The following ADAMTSL1 variants were observed in gnomAD, a reference collection of about 807,000 sequenced individuals.
ADAMTSL1 encodes ADAMTS like 1.
Under a neutral mutation model 201.8 loss-of-function variants are expected in ADAMTSL1, and 126 were observed. That is an observed-to-expected ratio of 0.62 (90% CI 0.54 to 0.72). The LOEUF (loss-of-function observed/expected upper bound fraction) is 0.72, where lower values mean the gene tolerates loss of function less well. Among genes scored for constraint, ADAMTSL1 ranks in the 30% least tolerant of loss-of-function variants. The pLI is 0.00. For missense variants in ADAMTSL1, 2,679 were observed against 2,277.8 expected (o/e 1.18, Z -3.59); for synonymous variants, 1,121 against 903.4 (o/e 1.24, Z -4.32).
intron 24 of ADAMTSL1, 58 bp from the exon 25 acceptor site, chr9:18,889,510 T>C: frequency 6.3e-7 from 1 of 1,577,938 alleles, no homozygotes; most frequent in Non-Finnish European, 8.6e-7. Flanking sequence ...CAGAAGGAAT[T>C]CAGAGTGTGG....
At chr9:18,717,575 G>A (rs574314) in intron 14 of ADAMTSL1, among the ~76,000 whole-genome samples, 1 of 152,210 alleles carries the variant, frequency 6.6e-6, no homozygotes, top group Non-Finnish European at 1.5e-5. Context: ...TTTGGACTTT[G>A]TTTTATTATG....
intron 2 of ADAMTSL1, among the ~76,000 whole-genome samples, chr9:18,406,848 G>A (rs1818228126): frequency 2.0e-5 from 3 of 152,278 alleles, no homozygotes; most frequent in African/African-American, 7.2e-5. Flanking sequence ...TAACAAATGT[G>A]TGCTTGTGGG....
intron 2 of ADAMTSL1, among the ~76,000 whole-genome samples, chr9:18,466,130 C>T (rs1207635550): frequency 1.3e-5 from 2 of 152,144 alleles, no homozygotes; most frequent in Non-Finnish European, 2.9e-5. Flanking sequence ...TCCCCTTTAT[C>T]CTTGGGACCC....
chr9:18,844,702 T>G (rs1825975109), intron 23 of ADAMTSL1, among the ~76,000 whole-genome samples: 1 of 152,238 alleles, frequency 6.6e-6, no homozygotes, highest in Non-Finnish European at 1.5e-5. Context: ...CAGTTCGAGC[T>G]TCCTGGCTGC....
At position 18,171,945 on chromosome 9, in the gene ADAMTSL1, C is replaced by A. The variant is rs142995061; in HGVS notation, c.207+7964C>A. On this transcript the variant is annotated intron_variant, in intron 2 of 29. Coordinates refer to the ADAMTSL1 transcript ENST00000680146. ...CATTTATTAAATAGGGAATCCTTTC[C>A]CCATTTCTTGTTTTTTCACGTTTGC... is the stretch of plus-strand genomic sequence containing the variant. 4.3e-3 allele frequency among the ~76,000 whole-genome samples: 650 copies of A among 152,106 alleles called. 5 individuals are homozygous for A. Among genetic ancestry groups the A allele is most frequent in the African/African-American group, 0.015 (619 of 41,490 alleles).
chr9:18,186,981 A>G (rs1368676291), intron 2 of ADAMTSL1, among the ~76,000 whole-genome samples: 1 of 152,112 alleles, frequency 6.6e-6, no homozygotes, highest in Non-Finnish European at 1.5e-5. Context: ...TCAACTCTAA[A>G]TCCCATGTCT....
At chr9:18,744,518 A>G (rs949628518) in intron 15 of ADAMTSL1, among the ~76,000 whole-genome samples, 1 of 152,228 alleles carries the variant, frequency 6.6e-6, no homozygotes, top group Non-Finnish European at 1.5e-5. Flanking sequence ...TCTGCATTCA[A>G]CAAACATTTA....
chr9:18,442,829 A>G (rs929272389), intron 2 of ADAMTSL1, among the ~76,000 whole-genome samples: 1 of 152,214 alleles, frequency 6.6e-6, no homozygotes, highest in African/African-American at 2.4e-5. Flanking sequence ...CCTGCAAGTC[A>G]TTTGGTCGGT....
intron 2 of ADAMTSL1, among the ~76,000 whole-genome samples, chr9:18,308,454 A>C (rs993391742): frequency 2.0e-5 from 3 of 152,180 alleles, no homozygotes; most frequent in Non-Finnish European, 4.4e-5. Flanking sequence ...CAGACTACTA[A>C]AGGAGAAAAG....
intron 26 of ADAMTSL1, among the ~76,000 whole-genome samples, chr9:18,897,640 C>G (rs1020871254): frequency 1.4e-4 from 21 of 152,276 alleles, no homozygotes; most frequent in African/African-American, 5.1e-4. Flanking sequence ...GAAGAGTGGC[C>G]TATTAAATAG....
At chr9:18,795,182 T>G (rs1255041968) in intron 19 of ADAMTSL1, among the ~76,000 whole-genome samples, 1 of 141,534 alleles carries the variant, frequency 7.1e-6, no homozygotes, top group East Asian at 2.0e-4. Context: ...GCAAAGGCAA[T>G]GGGAAACCTC....
intron 1 of ADAMTSL1, among the ~76,000 whole-genome samples, chr9:18,504,160 T>A (rs1822997304): frequency 6.6e-6 from 1 of 152,192 alleles, no homozygotes. Context: ...CTCTTAACTA[T>A]AGCACACATT....
intron 2 of ADAMTSL1, among the ~76,000 whole-genome samples, chr9:18,415,449 C>T (rs566566519): frequency 2.1e-4 from 32 of 151,792 alleles, no homozygotes; most frequent in South Asian, 6.2e-4. Context: ...TTAGCTGTTG[C>T]GGAAGAAAAT....
At chr9:18,013,994 A>G (rs1292377126) in intron 1 of ADAMTSL1, among the ~76,000 whole-genome samples, 1 of 152,084 alleles carries the variant, frequency 6.6e-6, no homozygotes, top group African/African-American at 2.4e-5. Flanking sequence ...CTGTTCCCTC[A>G]GAAGGTTTTC....
chr9:18,281,972 T>A (rs984264094), intron 2 of ADAMTSL1, among the ~76,000 whole-genome samples: 2 of 152,248 alleles, frequency 1.3e-5, no homozygotes, highest in Non-Finnish European at 2.9e-5. Flanking sequence ...AATTTAATTT[T>A]ATTTTAGATT....
Position 18,226,724 on chromosome 9 carries a change from G to A in ADAMTSL1, c.207+62743G>A, listed in dbSNP as rs965235510. ...TCCCTCCTATTCCATTTGGTCATGG[G>A]GCCAGTTTGTCCACTAGATTTGAAA... On this transcript the variant is annotated intron_variant, in intron 2 of 29. Transcript: ENST00000680146. Among the ~76,000 whole-genome samples, 16 of 152,048 alleles carry A rather than the reference G, an allele frequency of 1.1e-4. No homozygotes were observed. The Middle Eastern group carries it at 0.01, about 97-fold the overall frequency.
At chr9:18,796,298 G>A (rs1406802661) in intron 20 of ADAMTSL1, among the ~76,000 whole-genome samples, 1 of 152,158 alleles carries the variant, frequency 6.6e-6, no homozygotes, top group South Asian at 2.1e-4. Context: ...TAGTGGCGGG[G>A]GAAGAAGGGA....
intron 13 of ADAMTSL1, among the ~76,000 whole-genome samples, chr9:18,701,133 CAA>C (rs567172794): frequency 6.0e-4 from 91 of 151,252 alleles, no homozygotes; most frequent in African/African-American, 2.0e-3. Flanking sequence ...TATAATAGCT[CAA>C]AGTCAATGAA....
chr9:18,348,521 C>CT (rs1835823643), intron 2 of ADAMTSL1, among the ~76,000 whole-genome samples: 1 of 152,162 alleles, frequency 6.6e-6, no homozygotes, highest in Non-Finnish European at 1.5e-5. Context: ...ATAACACTTG[C>CT]TACGTAATGA....
Sources: gnomAD v4.1 joint callset for allele counts (sites outside exome capture counted in the v4.1 genomes callset) on GRCh38, gnomAD v4.1.1 for gene constraint, MANE v1.5 for transcripts, NCBI Gene and HGNC (gene_info 2026-07-23, HGNC 2026-07-21) for gene names.